The following SEH1L variants were observed in gnomAD, a reference collection of about 807,000 sequenced individuals.
SEH1L encodes nucleoporin SEH1.
A neutral mutation model predicts 49.5 loss-of-function variants in SEH1L; 18 were observed. That is an observed-to-expected ratio of 0.36 (90% CI 0.25 to 0.54). The LOEUF (loss-of-function observed/expected upper bound fraction) is 0.54, where lower values mean the gene tolerates loss of function less well. Ranked by LOEUF, SEH1L falls within the 20% of genes least tolerant of loss-of-function variation. SEH1L has a pLI of 0.87. For missense variants in SEH1L, 404 were observed against 528.8 expected, an observed-to-expected ratio of 0.76 and a Z score of 2.31; for synonymous variants, 169 against 178.1, an observed-to-expected ratio of 0.95 and a Z score of 0.41.
intron 6 of SEH1L, among the ~76,000 whole-genome samples, chr18:12,981,718 C>T (rs2032269016): frequency 6.6e-6 from 1 of 152,094 alleles, no homozygotes; most frequent in Admixed American, 6.5e-5. Context: ...TGACAAGTGG[C>T]AGTCTATTTA....
Position 12,955,413 on chromosome 18 carries a change from C to T in SEH1L, c.163-50C>T, listed in dbSNP as rs369195911. 89 of 1,527,992 alleles carry T rather than the reference C, an allele frequency of 5.8e-5. No individual in the cohort carries two copies. The East Asian group carries it at 2.0e-3, about 34-fold the overall frequency. 94.7% of individuals were successfully genotyped at this position (1,527,992 alleles called of 1,614,324 possible). A position where few individuals can be genotyped will look rare whatever the true frequency, so the allele number is the denominator to read the frequency against. ...AATAAGTATTTAGGAAAAAAGAAGCCCTGGGATAATGAGTATCTGTTCTTT... is the reference window on the plus strand; with the variant it reads ...AATAAGTATTTAGGAAAAAAGAAGCTCTGGGATAATGAGTATCTGTTCTTT... On this transcript the variant is annotated intron_variant, in intron 2 of 8. Transcript: ENST00000399892.
In SEH1L at chr18:12,978,846, G is replaced by T. The variant is rs1420187242; in HGVS notation, c.715G>T (p.Ala239Ser). The T allele has an allele frequency of 7.4e-6, 12 of 1,613,966 alleles. No homozygotes were observed. The highest frequency in any genetic ancestry group is 1.0e-5 in the Non-Finnish European group (12 of 1,179,970). ...PNLGRSFHIL[A>S]IATKDVRIFT... The stretch of plus-strand genomic sequence containing the variant: ...TTTGGGAAGATCTTTCCATATTCTA[G>T]CAATAGCGACCAAAGATGTGAGAAT... The change falls in exon 6 of 9, where the codon GCA becomes TCA. Residue 239 changes from alanine to serine, a missense_variant. Transcript: ENST00000399892.
At chr18:12,966,445 A>G (rs189794814) in intron 4 of SEH1L, among the ~76,000 whole-genome samples, 15 of 136,186 alleles carry the variant, frequency 1.1e-4, no homozygotes, top group African/African-American at 3.3e-4. Context: ...ACGTGTCACT[A>G]TGTCACCCAG....
intron 1 of SEH1L, among the ~76,000 whole-genome samples, chr18:12,949,223 G>T (rs1482706075): frequency 6.6e-6 from 1 of 151,734 alleles, no homozygotes; most frequent in East Asian, 2.0e-4. Context: ...CCTCCCAGAT[G>T]TGTTGCAGGA....
In SEH1L at chr18:12,968,866, A is replaced by G. The variant is rs142743819; in HGVS notation, c.522-2287A>G. 3.5e-3 allele frequency among the ~76,000 whole-genome samples: 534 copies of G among 152,330 alleles called. 4 individuals carry two copies. The highest frequency in any genetic ancestry group is 0.012 in the African/African-American group (497 of 41,560). On this transcript the variant is annotated intron_variant, in intron 4 of 8. Transcript: ENST00000399892. ...TGAATATCTTAGTTCTGGTTGTACA[A>G]TTGAGGTAATCCTCAATTCAGGTTG...
chr18:12,957,977 G>A (rs1045543079), intron 3 of SEH1L, among the ~76,000 whole-genome samples: 1 of 149,246 alleles, frequency 6.7e-6, no homozygotes, highest in Non-Finnish European at 1.5e-5. Context: ...CCAAAGTGCT[G>A]TGATTATAGG....
intron 8 of SEH1L, chr18:12,985,011 A>C (rs989543097): frequency 2.4e-6 from 1 of 409,010 alleles, no homozygotes; most frequent in South Asian, 6.8e-5. Context: ...ATGCATCAAA[A>C]CAATTTCAGG....
intron 8 of SEH1L, chr18:12,986,196 A>G: frequency 1.0e-6 from 1 of 985,416 alleles, no homozygotes; most frequent in Non-Finnish European, 1.2e-6. Context: ...TCTGACCTTG[A>G]TAACAAAGCT....
rs56319921 is a variant in SEH1L at position 12,979,076 on chromosome 18, C to CTT, written c.761+194_761+195dup. Among the ~76,000 whole-genome samples, 342 of 145,762 alleles carry CTT rather than the reference C, an allele frequency of 2.3e-3. 1 individual carries two copies. Among genetic ancestry groups the CTT allele is most frequent in the Non-Finnish European group, 3.6e-3 (238 of 66,400 alleles). ...CTTTTACAGTTACTTTTTTTTCTTT[C>CTT]TTTTTTTTTTTATTGATCATTCTTG... On this transcript the variant is annotated intron_variant, in intron 6 of 8. Coordinates refer to ENST00000399892, the MANE Select transcript of SEH1L (RefSeq NM_001013437.2).
At chr18:12,948,330 C>G in intron 1 of SEH1L, 98 bp downstream of exon 1, 2 of 853,838 alleles carry the variant, frequency 2.3e-6, no homozygotes, top group Non-Finnish European at 3.8e-6. Context: ...TTCAGTGACG[C>G]CGCTGGAAGC....
intron 6 of SEH1L, among the ~76,000 whole-genome samples, chr18:12,980,696 G>A (rs1412074697): frequency 2.3e-5 from 2 of 85,282 alleles, no homozygotes; most frequent in Non-Finnish European, 4.7e-5. Context: ...GCGGGGGGCT[G>A]ACACCCCCCA....
chr18:12,980,861 G>A (rs1298325336), intron 6 of SEH1L, among the ~76,000 whole-genome samples: 3 of 144,884 alleles, frequency 2.1e-5, no homozygotes, highest in East Asian at 4.4e-4. Flanking sequence ...GCGGCTGGCC[G>A]GGCGGGGGGC....
chr18:12,963,082 C>T, intron 3 of SEH1L, 78 bp from the exon 4 acceptor site: 1 of 1,024,646 alleles, frequency 9.8e-7, no homozygotes. Context: ...CTGTGTGATT[C>T]CAGAGTCTGT....
chr18:12,960,612 C>T (rs986754091), intron 3 of SEH1L, among the ~76,000 whole-genome samples: 1 of 152,074 alleles, frequency 6.6e-6, no homozygotes, highest in Non-Finnish European at 1.5e-5. Context: ...CTTCCCTAAG[C>T]CAAACAGCTG....
intron 5 of SEH1L, chr18:12,978,109 T>C (rs2032001531): frequency 6.6e-6 from 1 of 152,336 alleles, no homozygotes; most frequent in South Asian, 2.1e-4. Flanking sequence ...ATTACAGGTG[T>C]GAGCCACTGT....
intron 3 of SEH1L, among the ~76,000 whole-genome samples, chr18:12,957,050 G>A (rs1321487118): frequency 2.0e-5 from 3 of 147,144 alleles, no homozygotes; most frequent in South Asian, 4.5e-4. Context: ...CCTGGGCGAC[G>A]GAGCGAGACT....
intron 2 of SEH1L, among the ~76,000 whole-genome samples, chr18:12,955,021 G>A (rs1206342995): frequency 1.3e-5 from 2 of 152,154 alleles, no homozygotes; most frequent in African/African-American, 4.8e-5. Context: ...GGATTTTGGA[G>A]CAAATAAATC....
chr18:12,957,145 C>T (rs376463153), intron 3 of SEH1L, among the ~76,000 whole-genome samples: 18 of 152,020 alleles, frequency 1.2e-4, no homozygotes, highest in African/African-American at 3.6e-4. Flanking sequence ...ATACTGTCCT[C>T]GGCCGGGTGC....
intron 1 of SEH1L, among the ~76,000 whole-genome samples, chr18:12,949,970 T>A (rs971755374): frequency 6.6e-6 from 1 of 152,180 alleles, no homozygotes; most frequent in African/African-American, 2.4e-5. Context: ...ATAAATAGAA[T>A]CATAGAATAT....
Sources: allele counts gnomAD v4.1 joint callset (sites outside exome capture counted in the v4.1 genomes callset), GRCh38; gene constraint gnomAD v4.1.1; transcripts MANE v1.5; gene names NCBI Gene and HGNC (gene_info 2026-07-23, HGNC 2026-07-21).